Variants in FBXL5 observed in about 807,000 individuals in gnomAD.
FBXL5 encodes F-box/LRR-repeat protein 5.
FBXL5 carries 26 observed loss-of-function variants against 78.3 expected under a neutral mutation model. That is an observed-to-expected ratio of 0.33 (90% CI 0.24 to 0.46). FBXL5 has a LOEUF of 0.46. Among genes scored for constraint, FBXL5 ranks in the 20% least tolerant of loss-of-function variants. The pLI, the probability that FBXL5 is intolerant of heterozygous loss-of-function variation, is 1.00. For missense variants in FBXL5, 710 were observed against 829.2 expected, an observed-to-expected ratio of 0.86 and a Z score of 1.77; for synonymous variants, 295 against 282.5, an observed-to-expected ratio of 1.04 and a Z score of -0.45.
Position 15,605,546 on chromosome 4 carries a change from A to T in FBXL5, c.*177T>A, listed in dbSNP as rs991862368. On this transcript the variant is annotated 3_prime_UTR_variant, in exon 11 of 11. Transcript: ENST00000341285. ...TTTCTAAACCAAAAGTATAATTTGC[A>T]AGAGAAACAACATTACAATTCACTG... 1.4e-5 allele frequency: 8 copies of T among 570,288 alleles called. No individual in the cohort carries two copies. The highest frequency in any genetic ancestry group is 2.2e-5 in the Non-Finnish European group (7 of 314,808). The allele number at this position is 570,288 out of a possible 1,614,324, so 35.3% of individuals were successfully genotyped here.
intron 1 of FBXL5, among the ~76,000 whole-genome samples, chr4:15,649,493 T>C (rs926944685): frequency 1.3e-5 from 2 of 150,090 alleles, no homozygotes; most frequent in African/African-American, 2.4e-5. Flanking sequence ...GGCAGAAGAA[T>C]TGCTTGAACC....
chr4:15,646,368 A>ATT (rs35373918), intron 1 of FBXL5, among the ~76,000 whole-genome samples: 3,014 of 149,834 alleles, frequency 0.02, 89 homozygotes, highest in African/African-American at 0.068. Context: ...CATATTATAG[A>ATT]TTTTTTTTTA....
Position 15,640,393 on chromosome 4 carries a change from G to GAAA in FBXL5, c.396+392_396+394dup, listed in dbSNP as rs33987840. ...CATTTAAATACTAAACTACACTACT[G>GAAA]AAAAAAAAAAAAAAAAACATGAAAA... On this transcript the variant is annotated intron_variant, in intron 3 of 10. Transcript: ENST00000341285. Among the ~76,000 whole-genome samples, 359 of 91,508 alleles carry GAAA rather than the reference G, an allele frequency of 3.9e-3. 15 individuals are homozygous for GAAA. Among genetic ancestry groups the GAAA allele is most frequent in the East Asian group, 8.1e-3 (26 of 3,224 alleles). 60.0% of individuals were successfully genotyped at this position (91,508 alleles called of 152,430 possible).
chr4:15,664,600 C>T (rs530503951), upstream of FBXL5, among the ~76,000 whole-genome samples: 1 of 142,410 alleles, frequency 7.0e-6, no homozygotes, highest in East Asian at 2.0e-4. Flanking sequence ...TCTTGTCACC[C>T]AGGCTGGAGT....
chr4:15,638,409 T>C, intron 4 of FBXL5, 99 bp downstream of exon 4: 2 of 794,342 alleles, frequency 2.5e-6, no homozygotes, highest in South Asian at 2.2e-5. Context: ...AGTGCAGGCC[T>C]AACTTGAATT....
rs774806813 is a variant in FBXL5 at position 15,644,635 on chromosome 4, T to A, written c.158A>T (p.Glu53Val). The A allele has an allele frequency of 6.2e-7, 1 of 1,614,142 alleles. No homozygotes were observed. The highest frequency in any genetic ancestry group is 8.5e-7 in the Non-Finnish European group (1 of 1,180,006). ...LLQSLYATFK[E>V]FKMHEQIENE... is the part of the protein sequence containing the mutation. ...TTCAATCTGCTCATGCATTTTGAAC[T>A]CCTTGAAAGTAGCATACAAAGACTG... The change falls in exon 2 of 11, where the codon GAG becomes GTG. Residue 53 changes from glutamate (E) to valine (V), a missense_variant. Glu to Val is a moderately radical substitution (Grantham distance 121). Transcript: ENST00000341285.
At chr4:15,643,580 T>C (rs1397809701) in intron 2 of FBXL5, among the ~76,000 whole-genome samples, 1 of 152,112 alleles carries the variant, frequency 6.6e-6, no homozygotes, top group African/African-American at 2.4e-5. Context: ...TAAATTTTTA[T>C]ATTTTTAGTA....
intron 1 of FBXL5, among the ~76,000 whole-genome samples, chr4:15,677,161 T>C (rs1718024641): frequency 6.6e-6 from 1 of 152,080 alleles, no homozygotes; most frequent in South Asian, 2.1e-4. Context: ...GCAGAGGAAA[T>C]ATATTCACAA....
At chr4:15,659,228 C>T (rs865880668), upstream of FBXL5, among the ~76,000 whole-genome samples, 35 of 152,130 alleles carry the variant, frequency 2.3e-4, no homozygotes, top group African/African-American at 8.2e-4. Context: ...AGTAGGCATA[C>T]ATAGTAGGCA....
rs183762632 is a variant in FBXL5, at chr4:15,646,985, G to A, written c.85-2277C>T. On this transcript the variant is annotated intron_variant, in intron 1 of 10. Coordinates refer to ENST00000341285, the MANE Select transcript of FBXL5 (RefSeq NM_012161.4). Reference sequence around the variant, plus strand: ...CACCTGTAATCCCAGCACTTTGAGAGGCTGAGGTGAGTGGATTACCTGAGG... The same window carrying A: ...CACCTGTAATCCCAGCACTTTGAGAAGCTGAGGTGAGTGGATTACCTGAGG... Among the ~76,000 whole-genome samples, 924 of 152,014 alleles carry A rather than the reference G, an allele frequency of 6.1e-3. 3 individuals carry two copies. Among genetic ancestry groups the A allele is most frequent in the Non-Finnish European group, 8.2e-3 (560 of 67,964 alleles).
upstream of FBXL5, among the ~76,000 whole-genome samples, chr4:15,656,771 G>A (rs1716989428): frequency 6.6e-6 from 1 of 150,456 alleles, no homozygotes; most frequent in Admixed American, 6.7e-5. Flanking sequence ...TCTTTATGAG[G>A]ATTTATATAT....
intron 1 of FBXL5, among the ~76,000 whole-genome samples, chr4:15,675,863 A>T (rs1056237238): frequency 1.2e-4 from 19 of 152,258 alleles, no homozygotes; most frequent in African/African-American, 4.3e-4. Context: ...GATTACAGGC[A>T]TGAGCCACCG....
chr4:15,620,786 C>T (rs565804898), intron 9 of FBXL5, among the ~76,000 whole-genome samples: 2 of 152,352 alleles, frequency 1.3e-5, no homozygotes, highest in South Asian at 2.1e-4. Context: ...ACACCTGGCC[C>T]GCCCAGGGCG....
At chr4:15,632,267 G>A (rs1290184634) in intron 5 of FBXL5, among the ~76,000 whole-genome samples, 2 of 152,082 alleles carry the variant, frequency 1.3e-5, no homozygotes, top group South Asian at 2.1e-4. Flanking sequence ...TGTTCCATTG[G>A]TCTATATCTC....
rs1411727312 is a variant in FBXL5, at chr4:15,629,578, G to A, written c.892+1088C>T. On this transcript the variant is annotated intron_variant, in intron 6 of 10. Coordinates refer to ENST00000341285, the MANE Select transcript of FBXL5 (RefSeq NM_012161.4). ...TCTCTAAATTTTAAGCTCAACAAGCGCCAGTTTTGTTTTGCTTTTTTCCAT... is the reference window on the plus strand; with the variant it reads ...TCTCTAAATTTTAAGCTCAACAAGCACCAGTTTTGTTTTGCTTTTTTCCAT... Among the ~76,000 whole-genome samples the A allele has an allele frequency of 3.9e-5, 6 of 151,914 alleles. No homozygotes were observed. In the East Asian group the frequency reaches 5.8e-4, roughly 15 times the overall value.
intron 9 of FBXL5, among the ~76,000 whole-genome samples, chr4:15,620,717 CATG>C (rs1393704693): frequency 6.6e-6 from 1 of 152,266 alleles, no homozygotes; most frequent in East Asian, 1.9e-4. Flanking sequence ...GTGACATGTT[CATG>C]ATGGCCATAA....
chr4:15,676,656 G>A lies in FBXL5; in HGVS notation c.-284+4727C>T, dbSNP rs188839279. On this transcript the variant is annotated intron_variant, in intron 1 of 4. Transcript: ENST00000507899. ...TCCTTCACAATAATTCTGGCTGAGA[G>A]AAGGGTAGAGTGTGTGTATATGTGA... 1.7e-3 allele frequency among the ~76,000 whole-genome samples: 266 copies of A among 152,162 alleles called. 2 individuals carry two copies. Among genetic ancestry groups the A allele is most frequent in the African/African-American group, 6.0e-3 (250 of 41,500 alleles).
intron 7 of FBXL5, 122 bp from the exon 8 acceptor site, chr4:15,627,077 G>T: frequency 2.4e-5 from 10 of 421,014 alleles, no homozygotes; most frequent in Non-Finnish European, 2.6e-5. Context: ...AAAATCACTT[G>T]AATACTTGAA....
intron 9 of FBXL5, among the ~76,000 whole-genome samples, chr4:15,622,301 T>C (rs923357564): frequency 2.6e-5 from 4 of 152,252 alleles, no homozygotes; most frequent in African/African-American, 9.6e-5. Flanking sequence ...TTGTATTTTT[T>C]CCTCAAACCT....
Sources: allele counts gnomAD v4.1 joint callset (sites outside exome capture counted in the v4.1 genomes callset), GRCh38; gene constraint gnomAD v4.1.1; transcripts MANE v1.5; gene names NCBI Gene and HGNC (gene_info 2026-07-23, HGNC 2026-07-21).